HSPA4L: variants seen among roughly 807,000 people sequenced by gnomAD.
The protein encoded by HSPA4L is heat shock 70 kDa protein 4L.
Under a neutral mutation model 100.3 loss-of-function variants are expected in HSPA4L, and 48 were observed. The observed-to-expected ratio is 0.48, with a 90% CI of 0.38 to 0.61. The LOEUF is 0.61. HSPA4L is among the 20% of genes least tolerant of loss of function. HSPA4L has a pLI of 0.00. For missense variants in HSPA4L, 886 were observed against 988.6 expected (o/e 0.90, Z 1.39); for synonymous variants, 319 against 328.2 (o/e 0.97, Z 0.30).
intron 17 of HSPA4L, among the ~76,000 whole-genome samples, chr4:127,829,129 A>G (rs145660133): frequency 8.5e-5 from 13 of 152,148 alleles, no homozygotes; most frequent in Non-Finnish European, 1.2e-4. Flanking sequence ...GGTGATACAC[A>G]TGTTAGGAGA....
At chr4:127,821,579 AACT>A (rs1733815225) in intron 14 of HSPA4L, among the ~76,000 whole-genome samples, 1 of 152,082 alleles carries the variant, frequency 6.6e-6, no homozygotes, top group South Asian at 2.1e-4. Flanking sequence ...TCTGTTAGAG[AACT>A]ACATTTCACA....
rs964801583 is a variant in HSPA4L at position 127,833,653 on chromosome 4, G to C, written c.*779G>C. ...GACAAAATGACTTTCATGTTAAGGG[G>C]AAATGCTGTTTATCTACTCAGACAT... On this transcript the variant is annotated 3_prime_UTR_variant, in exon 19 of 19. Coordinates refer to ENST00000296464, the MANE Select transcript of HSPA4L (RefSeq NM_014278.4). 6.6e-5 allele frequency: 10 copies of C among 152,144 alleles called. No individual in the cohort carries two copies. Among genetic ancestry groups the C allele is most frequent in the Non-Finnish European group, 1.0e-4 (7 of 68,010 alleles). 9.4% of individuals were successfully genotyped at this position (152,144 alleles called of 1,614,324 possible).
Position 127,835,214 on chromosome 4 carries a change from T to C in HSPA4L, c.*2340T>C, listed in dbSNP as rs1734176413. On this transcript the variant is annotated 3_prime_UTR_variant, in exon 19 of 19. Coordinates refer to ENST00000296464, the MANE Select transcript of HSPA4L (RefSeq NM_014278.4). ...TGCATAGTAAAACAGTGTTTTCCTA[T>C]GGTAAGCAAATAAGAATGAAGTTTG... 1 of 152,154 alleles carries C rather than the reference T, an allele frequency of 6.6e-6. No individual in the cohort carries two copies. The highest frequency in any genetic ancestry group is 6.5e-5 in the Admixed American group (1 of 15,270). The allele number at this position is 152,154 out of a possible 1,614,324, so 9.4% of individuals were successfully genotyped here. A position where few individuals can be genotyped will look rare whatever the true frequency, so the allele number is the denominator to read the frequency against.
Position 127,830,620 on chromosome 4 carries a change from C to CTT in HSPA4L, c.2167-8_2167-7dup. On this transcript the variant is annotated splice_polypyrimidine_tract_variant and intron_variant, in intron 17 of 18. Coordinates refer to ENST00000296464, the MANE Select transcript of HSPA4L (RefSeq NM_014278.4). The stretch of plus-strand genomic sequence containing the variant: ...GAAAAATCATTAACATGCAGTCAAG[C>CTT]TTTTTTTTTTTAAATAGGATGAAAG... 17 of 1,232,554 alleles carry CTT rather than the reference C, an allele frequency of 1.4e-5. No individual in the cohort carries two copies. The highest frequency in any genetic ancestry group is 5.2e-5 in the Admixed American group (2 of 38,594). 76.4% of individuals were successfully genotyped at this position (1,232,554 alleles called of 1,614,324 possible).
intron 11 of HSPA4L, chr4:127,809,188 G>A: frequency 9.4e-7 from 1 of 1,060,364 alleles, no homozygotes; most frequent in Non-Finnish European, 1.5e-6. Context: ...AAACTCTTCA[G>A]GACAAGGTTT....
Position 127,830,638 on chromosome 4 carries a change from G to A in HSPA4L, c.2167G>A (p.Asp723Asn). ...MKVIEAYRNKDERYDHLDPTE... is the reference protein window; with the variant it reads ...MKVIEAYRNKNERYDHLDPTE... ...AGTCAAGCTTTTTTTTTTTAAATAG[G>A]ATGAAAGATATGATCATCTGGATCC... Residue 723 changes from aspartate (D) to asparagine (N), a missense_variant and splice_region_variant, in exon 18 of 19, where the codon GAT becomes AAT. Physicochemically the swap from Asp to Asn is conservative, Grantham distance 23. Coordinates refer to ENST00000296464, the MANE Select transcript of HSPA4L (RefSeq NM_014278.4). 1 of 1,572,508 alleles carries A rather than the reference G, an allele frequency of 6.4e-7. No homozygotes were observed. Among genetic ancestry groups the A allele is most frequent in the East Asian group, 2.3e-5 (1 of 43,726 alleles).
At chr4:127,785,225 GGA>G (rs1732683011) in intron 1 of HSPA4L, among the ~76,000 whole-genome samples, 1 of 151,960 alleles carries the variant, frequency 6.6e-6, no homozygotes, top group African/African-American at 2.4e-5. Context: ...AGTTGAAGAG[GGA>G]GAGAGAAATT....
At chr4:127,825,143 A>G (rs1221600678) in intron 16 of HSPA4L, among the ~76,000 whole-genome samples, 4 of 152,064 alleles carry the variant, frequency 2.6e-5, no homozygotes, top group Non-Finnish European at 5.9e-5. Context: ...CCATCTCAAA[A>G]AAAAAAAAAC....
chr4:127,830,641 G>T lies in HSPA4L; in HGVS notation c.2170G>T (p.Glu724Ter). 6.4e-7 allele frequency: 1 copy of T among 1,571,668 alleles called. No individual in the cohort carries two copies. The highest frequency in any genetic ancestry group is 8.6e-7 in the Non-Finnish European group (1 of 1,165,386). The part of the protein sequence containing the change: ...KVIEAYRNKD[E>*]RYDHLDPTEM... ...CAAGCTTTTTTTTTTTAAATAGGAT[G>T]AAAGATATGATCATCTGGATCCTAC... Residue 724 changes from glutamate (E) to a stop codon, truncating the protein, a stop_gained, in exon 18 of 19, where the codon GAA (glutamate) becomes TAA (stop). Transcript: ENST00000296464. LOFTEE classifies it high-confidence loss of function.
At chr4:127,801,098 A>C in intron 4 of HSPA4L, 40 bp from the exon 5 acceptor site, 1 of 1,420,410 alleles carries the variant, frequency 7.0e-7, no homozygotes, top group South Asian at 1.2e-5. Context: ...CAAAATGTTT[A>C]CATAAAACAT....
At chr4:127,814,933 AAAT>A (rs1247658448) in intron 12 of HSPA4L, among the ~76,000 whole-genome samples, 7 of 152,202 alleles carry the variant, frequency 4.6e-5, no homozygotes, top group African/African-American at 1.7e-4. Flanking sequence ...TTAAAGACTT[AAAT>A]ACCATTATAA....
In HSPA4L at chr4:127,798,609, G is replaced by T. The variant is rs1464053553; in HGVS notation, c.329G>T (p.Arg110Ile). Residue 110 changes from arginine (R) to isoleucine (I), a missense_variant, in exon 4 of 19, where the codon AGA (arginine) becomes ATA (isoleucine). Arg to Ile is a moderately conservative substitution (Grantham distance 97, BLOSUM62 -3). Transcript: ENST00000296464. ...GVKVRYLEEE[R>I]PFAIEQVTGM... Reference sequence around the variant, plus strand: ...TAGGTGCGGTACTTAGAGGAAGAGAGACCTTTTGCAATTGAGCAAGTTACT... The same window carrying T: ...TAGGTGCGGTACTTAGAGGAAGAGATACCTTTTGCAATTGAGCAAGTTACT... 5.6e-6 allele frequency: 9 copies of T among 1,613,594 alleles called. No homozygotes were observed. Among genetic ancestry groups the T allele is most frequent in the Non-Finnish European group, 7.6e-6 (9 of 1,179,768 alleles).
intron 14 of HSPA4L, among the ~76,000 whole-genome samples, chr4:127,822,153 C>T (rs912683099): frequency 1.3e-5 from 2 of 152,122 alleles, no homozygotes; most frequent in African/African-American, 4.8e-5. Context: ...TCACCCCAAA[C>T]GTTAACTCTA....
At chr4:127,822,918 T>G in intron 15 of HSPA4L, 24 bp downstream of exon 15, 1 of 1,606,596 alleles carries the variant, frequency 6.2e-7, no homozygotes, top group Non-Finnish European at 8.5e-7. Context: ...CTGTTAATTT[T>G]TTGTGAGGAC....
intron 1 of HSPA4L, among the ~76,000 whole-genome samples, chr4:127,784,017 A>G (rs1005860651): frequency 6.6e-6 from 1 of 152,236 alleles, no homozygotes; most frequent in Non-Finnish European, 1.5e-5. Flanking sequence ...TACTTTTTAC[A>G]TCTTTTTCTG....
rs1438412954 is a variant in HSPA4L, at chr4:127,827,489, C to A, written c.2166+65C>A. On this transcript the variant is annotated intron_variant, in intron 17 of 18. Transcript: ENST00000296464. ...GCATGGTACATAGAATGGGGCAAAT[C>A]TAAAAGTTCTCAGCTACAAAGCTAT... The A allele has an allele frequency of 1.4e-5, 22 of 1,567,094 alleles. No homozygotes were observed. The East Asian group carries it at 4.7e-4, about 34-fold the overall frequency.
intron 18 of HSPA4L, among the ~76,000 whole-genome samples, chr4:127,832,361 ATTACACGTAAT>A (rs1360058710): frequency 1.3e-5 from 2 of 152,258 alleles, no homozygotes; most frequent in East Asian, 3.8e-4. Flanking sequence ...ATAGCAAAGC[ATTACACGTAAT>A]TTAAAGGAAG....
chr4:127,827,564 C>G, intron 17 of HSPA4L, 140 bp downstream of exon 17: 1 of 779,472 alleles, frequency 1.3e-6, no homozygotes, highest in Non-Finnish European at 1.9e-6. Context: ...AAACTTAAAA[C>G]TTTTTTTTTT....
chr4:127,811,562 A>C lies in HSPA4L; in HGVS notation c.1504A>C (p.Asn502His). ...TAGCGCATCAGTAATTGAGAAGCAA[A>C]ATTTGGAAGGCGATCACAGTGATGC... ...VASASVIEKQ[N>H]LEGDHSDAPM... Residue 502 changes from asparagine (N) to histidine (H), a missense_variant, in exon 12 of 19, where the codon AAT becomes CAT. By Grantham distance (68) the Asn-to-His change is moderately conservative (BLOSUM62 1). Coordinates refer to ENST00000296464, the MANE Select transcript of HSPA4L (RefSeq NM_014278.4). The C allele has an allele frequency of 1.2e-6, 2 of 1,614,038 alleles. No homozygotes were observed. Among genetic ancestry groups the C allele is most frequent in the Non-Finnish European group, 8.5e-7 (1 of 1,179,970 alleles).
Sources: allele counts gnomAD v4.1 joint callset (sites outside exome capture counted in the v4.1 genomes callset), GRCh38; gene constraint gnomAD v4.1.1; transcripts MANE v1.5; gene names NCBI Gene and HGNC (gene_info 2026-07-23, HGNC 2026-07-21).